Variants in TTLL5 observed in about 807,000 individuals in gnomAD.
TTLL5 encodes tubulin polyglutamylase TTLL5.
A neutral mutation model predicts 168.4 loss-of-function variants in TTLL5; 132 were observed. That is an observed-to-expected ratio of 0.78 (90% confidence interval 0.68 to 0.91). The LOEUF (loss-of-function observed/expected upper bound fraction) is 0.91, where lower values mean the gene tolerates loss of function less well. Ranked by LOEUF, TTLL5 falls within the 40% of genes least tolerant of loss-of-function variation. The probability of loss-of-function intolerance (pLI) is 0.00; values close to 1 mark genes in which losing one functional copy is unlikely to be tolerated. For synonymous variants in TTLL5, 546 were observed against 558.6 expected (o/e 0.98, Z 0.32); for missense variants, 1,545 against 1,581.5 (o/e 0.98, Z 0.39).
chr14:75,722,640 T>A (rs898353825), intron 12 of TTLL5, among the ~76,000 whole-genome samples: 10 of 152,170 alleles, frequency 6.6e-5, no homozygotes, highest in East Asian at 5.8e-4. Flanking sequence ...GTCCCCTTTT[T>A]AAATTTTTTT....
chr14:75,938,781 T>C (rs1219494374), intron 31 of TTLL5, among the ~76,000 whole-genome samples: 1 of 152,218 alleles, frequency 6.6e-6, no homozygotes, highest in Admixed American at 6.5e-5. Context: ...AGAGTAGGCA[T>C]GAGTGTCTTC....
intron 28 of TTLL5, among the ~76,000 whole-genome samples, chr14:75,844,096 C>T (rs1401902949): frequency 2.0e-5 from 3 of 151,272 alleles, no homozygotes; most frequent in African/African-American, 7.3e-5. Flanking sequence ...TTGGCCAGGC[C>T]GGTCTCGAAC....
At chr14:75,706,927 A>C (rs59602759) in intron 7 of TTLL5, 91 bp from the exon 8 acceptor site, 160 of 1,141,116 alleles carry the variant, frequency 1.4e-4, no homozygotes, top group Non-Finnish European at 2.0e-4. Flanking sequence ...CCACCTTACC[A>C]TTTCTTTAAA....
chr14:75,922,020 CTTTGTTTG>C (rs534207176), intron 31 of TTLL5, among the ~76,000 whole-genome samples: 3 of 151,966 alleles, frequency 2.0e-5, no homozygotes, highest in African/African-American at 7.3e-5. Context: ...TGATTTGGCT[CTTTGTTTG>C]TTTGTTTGTT....
At chr14:75,856,586 G>A (rs1463904589) in intron 28 of TTLL5, among the ~76,000 whole-genome samples, 1 of 150,190 alleles carries the variant, frequency 6.7e-6, no homozygotes, top group Non-Finnish European at 1.5e-5. Flanking sequence ...TTTATTCTTA[G>A]GTATTTGATG....
intron 7 of TTLL5, among the ~76,000 whole-genome samples, chr14:75,705,003 A>G (rs533274646): frequency 1.7e-4 from 26 of 152,322 alleles, no homozygotes; most frequent in Admixed American, 5.2e-4. Context: ...ATTGTAGCCT[A>G]TAGGTTCTAC....
intron 31 of TTLL5, chr14:75,904,200 TCC>T: frequency 9.0e-7 from 1 of 1,109,132 alleles, no homozygotes; most frequent in Non-Finnish European, 1.1e-6. Flanking sequence ...ACCTCACTCC[TCC>T]AAAAAAAAAA....
intron 31 of TTLL5, among the ~76,000 whole-genome samples, chr14:75,951,548 C>T (rs568368394): frequency 1.3e-5 from 2 of 151,932 alleles, no homozygotes; most frequent in African/African-American, 4.8e-5. Flanking sequence ...TTTCTTGAGC[C>T]CAGGAGTTCG....
intron 28 of TTLL5, among the ~76,000 whole-genome samples, chr14:75,840,070 T>C (rs2139842276): frequency 6.6e-6 from 1 of 152,342 alleles, no homozygotes; most frequent in South Asian, 2.1e-4. Flanking sequence ...TTAAGTTTGA[T>C]GAAGTCTAAT....
intron 31 of TTLL5, among the ~76,000 whole-genome samples, chr14:75,945,851 A>G (rs1256380263): frequency 1.3e-5 from 2 of 152,226 alleles, no homozygotes; most frequent in Non-Finnish European, 2.9e-5. Flanking sequence ...AAGCAGCTGG[A>G]GGGAGTGGAA....
intron 12 of TTLL5, among the ~76,000 whole-genome samples, chr14:75,726,647 T>C (rs1432216403): frequency 6.6e-6 from 1 of 152,132 alleles, no homozygotes; most frequent in African/African-American, 2.4e-5. Context: ...AGCAAGAATG[T>C]AGTATGCAAC....
At chr14:75,704,348 G>A (rs1344046878) in intron 7 of TTLL5, among the ~76,000 whole-genome samples, 1 of 152,140 alleles carries the variant, frequency 6.6e-6, no homozygotes, top group African/African-American at 2.4e-5. Flanking sequence ...AGACCAGCCT[G>A]GGCAACATGG....
intron 31 of TTLL5, among the ~76,000 whole-genome samples, chr14:75,903,291 C>T (rs896550595): frequency 3.3e-5 from 5 of 151,794 alleles, no homozygotes; most frequent in Non-Finnish European, 7.4e-5. Context: ...GGAGTGTGGA[C>T]GAGTCAGCCA....
rs575861703 is a variant in TTLL5 at position 75,730,967 on chromosome 14, C to T, written c.1043-1371C>T. The stretch of plus-strand genomic sequence containing the variant: ...ACTCCTGACCTCGTGATCTGCCTGC[C>T]TCGGCCTCCCAAAGTGCTGGGATTA... On this transcript the variant is annotated intron_variant, in intron 12 of 31. Coordinates refer to ENST00000298832, the MANE Select transcript of TTLL5 (RefSeq NM_015072.5). Among the ~76,000 whole-genome samples, 3 of 152,268 alleles carry T rather than the reference C, an allele frequency of 2.0e-5. No homozygotes were observed. The South Asian group carries it at 6.2e-4, about 32-fold the overall frequency.
In TTLL5 at chr14:75,732,381, A is replaced by C. The variant is rs146212436; in HGVS notation, c.1086A>C (p.Pro362=). 5.9e-5 allele frequency: 95 copies of C among 1,613,760 alleles called. No homozygotes were observed. The highest frequency in any genetic ancestry group is 7.6e-5 in the Non-Finnish European group (90 of 1,179,880). The change falls in exon 13 of 32, where the codon CCA becomes CCC. Residue 362 remains proline (P), a synonymous_variant. Transcript: ENST00000298832. The part of the protein sequence containing the change: ...FDVLIDSTLK[P]WLLEVNLSPS... ...TGCTCATAGATTCTACTCTGAAGCCATGGTTGTTGGAAGTGAATCTCTCTC... is the reference window on the plus strand; with the variant it reads ...TGCTCATAGATTCTACTCTGAAGCCCTGGTTGTTGGAAGTGAATCTCTCTC...
intron 27 of TTLL5, among the ~76,000 whole-genome samples, chr14:75,795,549 A>G (rs1015357670): frequency 5.9e-5 from 9 of 152,062 alleles, no homozygotes; most frequent in African/African-American, 2.2e-4. Context: ...ACTGTACCCA[A>G]TGTGCAGTCT....
chr14:75,728,373 A>AG (rs1337573245), intron 12 of TTLL5, among the ~76,000 whole-genome samples: 5 of 151,344 alleles, frequency 3.3e-5, no homozygotes, highest in African/African-American at 9.7e-5. Context: ...AAAAAAAAAA[A>AG]AGAGAGAAAA....
At chr14:75,853,258 G>A (rs1217329287) in intron 28 of TTLL5, among the ~76,000 whole-genome samples, 5 of 152,084 alleles carry the variant, frequency 3.3e-5, no homozygotes, top group South Asian at 4.1e-4. Context: ...TGGGTCATTC[G>A]GACTAACATG....
chr14:75,921,898 T>C (rs2033838054), intron 31 of TTLL5, among the ~76,000 whole-genome samples: 3 of 152,218 alleles, frequency 2.0e-5, no homozygotes, highest in Admixed American at 2.0e-4. Context: ...CTCTTTTATT[T>C]TGTTGAGCAG....
Sources: allele counts gnomAD v4.1 joint callset (sites outside exome capture counted in the v4.1 genomes callset), GRCh38; gene constraint gnomAD v4.1.1; transcripts MANE v1.5; gene names NCBI Gene and HGNC (gene_info 2026-07-23, HGNC 2026-07-21).